Variants in CPSF3 observed in about 807,000 individuals in gnomAD.
CPSF3 encodes the protein cleavage and polyadenylation specificity factor subunit 3.
A neutral mutation model predicts 84.1 loss-of-function variants in CPSF3; 57 were observed. The observed-to-expected ratio is 0.68, with a 90% confidence interval of 0.55 to 0.85. The LOEUF (loss-of-function observed/expected upper bound fraction) is 0.85, where lower values mean the gene tolerates loss of function less well. CPSF3 is among the 40% of genes least tolerant of loss of function. CPSF3 has a pLI of 0.00. For synonymous variants in CPSF3, 275 were observed against 278.1 expected (o/e 0.99, Z 0.11); for missense variants, 522 against 838.8 (o/e 0.62, Z 4.66).
chr2:9,462,308 A>G (rs1681755327), intron 15 of CPSF3, among the ~76,000 whole-genome samples: 1 of 152,264 alleles, frequency 6.6e-6, no homozygotes, highest in South Asian at 2.1e-4. Flanking sequence ...GCCCTTTTAT[A>G]AAATGAAGTC....
intron 6 of CPSF3, 58 bp from the exon 7 acceptor site, chr2:9,436,153 C>A: frequency 1.4e-6 from 2 of 1,431,754 alleles, no homozygotes; most frequent in Non-Finnish European, 9.4e-7. Context: ...TGATGTTTAA[C>A]TTTTGAATTC....
Position 9,459,569 on chromosome 2 carries a change from A to C in CPSF3, c.1737A>C (p.Thr579=). Residue 579 remains threonine, a synonymous_variant, in exon 15 of 18, where the codon ACA becomes ACC. Coordinates refer to ENST00000238112, the MANE Select transcript of CPSF3 (RefSeq NM_016207.4). The stretch of plus-strand genomic sequence containing the variant: ...CTTCTAATGATATGTATGCAGATAC[A>C]GTAACAACTGTGATATTGGAAGTTC... The part of the protein sequence containing the change: ...ANPSNDMYAD[T]VTTVILEVQS... 1 of 1,610,708 alleles carries C rather than the reference A, an allele frequency of 6.2e-7. No homozygotes were observed. The highest frequency in any genetic ancestry group is 8.5e-7 in the Non-Finnish European group (1 of 1,178,042).
At chr2:9,458,938 C>A (rs1256241852) in intron 14 of CPSF3, among the ~76,000 whole-genome samples, 1 of 151,992 alleles carries the variant, frequency 6.6e-6, no homozygotes, top group Non-Finnish European at 1.5e-5. Flanking sequence ...CATGGAGAAA[C>A]CCTGTCTCTA....
intron 15 of CPSF3, among the ~76,000 whole-genome samples, chr2:9,459,838 T>TG (rs1297973546): frequency 1.3e-5 from 2 of 151,406 alleles, no homozygotes; most frequent in Non-Finnish European, 2.9e-5. Flanking sequence ...TTAGTAGAGG[T>TG]GGGGTTTCAC....
chr2:9,452,461 T>G (rs1681367109), intron 11 of CPSF3, among the ~76,000 whole-genome samples: 1 of 152,228 alleles, frequency 6.6e-6, no homozygotes, highest in East Asian at 1.9e-4. Flanking sequence ...TATTGACCTT[T>G]TTATTCAAAG....
intron 9 of CPSF3, among the ~76,000 whole-genome samples, chr2:9,442,184 T>TA (rs1480340768): frequency 6.6e-6 from 1 of 152,226 alleles, no homozygotes; most frequent in African/African-American, 2.4e-5. Flanking sequence ...AGGTGATTGA[T>TA]ATACACATTA....
At chr2:9,468,087 T>A in intron 16 of CPSF3, 3 of 267,540 alleles carry the variant, frequency 1.1e-5, no homozygotes, top group Non-Finnish European at 1.4e-5. Context: ...AAATCTTAGC[T>A]GAATGTTACT....
chr2:9,440,650 A>G lies in CPSF3; in HGVS notation c.920A>G (p.His307Arg). 1 of 1,614,176 alleles carries G rather than the reference A, an allele frequency of 6.2e-7. No individual in the cohort carries two copies. The highest frequency in any genetic ancestry group is 8.5e-7 in the Non-Finnish European group (1 of 1,180,024). The change falls in exon 8 of 18, where the codon CAC (histidine) becomes CGC (arginine). Residue 307 changes from histidine (H) to arginine (R), a missense_variant. By Grantham distance (29) the His-to-Arg change is conservative. Coordinates refer to ENST00000238112, the MANE Select transcript of CPSF3 (RefSeq NM_016207.4). ...ATCAATAATCCCTTTGTTTTCAAACACATTAGTAACCTCAAGGTGAGTGCT... is the reference window on the plus strand; with the variant it reads ...ATCAATAATCCCTTTGTTTTCAAACGCATTAGTAACCTCAAGGTGAGTGCT... Reference protein sequence around the residue: ...ININNPFVFKHISNLKSMDHF... With the variant: ...ININNPFVFKRISNLKSMDHF...
At chr2:9,456,126 A>T (rs1188450705) in intron 13 of CPSF3, among the ~76,000 whole-genome samples, 1 of 152,120 alleles carries the variant, frequency 6.6e-6, no homozygotes, top group Non-Finnish European at 1.5e-5. Flanking sequence ...TTCTTTGATC[A>T]GTGAAAATAA....
rs1383000152 is a variant in CPSF3, at chr2:9,455,763, T to G, written c.1603+6T>G. On this transcript the variant is annotated splice_donor_region_variant and intron_variant, in intron 13 of 17. Transcript: ENST00000238112. ...CCAGCTGCAGAAATTGACAGGTGTGTGTGTGTACTGAAATTCATTTCATTG... is the reference window on the plus strand; with the variant it reads ...CCAGCTGCAGAAATTGACAGGTGTGGGTGTGTACTGAAATTCATTTCATTG... The G allele has an allele frequency of 5.7e-6, 9 of 1,584,220 alleles. No homozygotes were observed. The highest frequency in any genetic ancestry group is 2.2e-5 in the East Asian group (1 of 44,718).
chr2:9,470,768 G>A (rs1682136424), intron 16 of CPSF3, among the ~76,000 whole-genome samples: 1 of 152,172 alleles, frequency 6.6e-6, no homozygotes, highest in African/African-American at 2.4e-5. Flanking sequence ...ACATGTAAAA[G>A]GGGATCCTTA....
intron 8 of CPSF3, chr2:9,441,613 G>A (rs1572779468): frequency 7.1e-6 from 4 of 562,982 alleles, no homozygotes; most frequent in South Asian, 6.8e-5. Flanking sequence ...TGAACTTACC[G>A]CTTTTTATTA....
intron 1 of CPSF3, chr2:9,424,067 G>GAA (rs113168259): frequency 9.2e-4 from 1,062 of 1,159,786 alleles, no homozygotes; most frequent in Middle Eastern, 3.5e-3. Flanking sequence ...GTTGGAGTCG[G>GAA]AAAAAAAAAA....
At chr2:9,442,451 C>T (rs1680986126) in intron 9 of CPSF3, among the ~76,000 whole-genome samples, 1 of 152,214 alleles carries the variant, frequency 6.6e-6, no homozygotes, top group African/African-American at 2.4e-5. Context: ...CCAGGCATCA[C>T]ATTCTCATCC....
At chr2:9,429,060 GT>G (rs1178028516) in intron 2 of CPSF3, among the ~76,000 whole-genome samples, 8 of 152,202 alleles carry the variant, frequency 5.3e-5, no homozygotes, top group African/African-American at 1.9e-4. Flanking sequence ...CTGTTGAACT[GT>G]TACCTCTTCA....
chr2:9,441,280 G>A (rs866516271), intron 8 of CPSF3, among the ~76,000 whole-genome samples: 10 of 152,088 alleles, frequency 6.6e-5, no homozygotes, highest in African/African-American at 2.2e-4. Context: ...ATTGATATCC[G>A]AAATAATTTA....
At chr2:9,448,899 A>C (rs191799169) in intron 11 of CPSF3, among the ~76,000 whole-genome samples, 1 of 152,058 alleles carries the variant, frequency 6.6e-6, no homozygotes, top group African/African-American at 2.4e-5. Context: ...TCTTTAATCC[A>C]TATCCCCACT....
At position 9,467,704 on chromosome 2, in the gene CPSF3, C is replaced by T. The variant is rs748975945; in HGVS notation, c.1787-3C>T. The T allele has an allele frequency of 3.8e-6, 6 of 1,591,622 alleles. No homozygotes were observed. Among genetic ancestry groups the T allele is most frequent in the South Asian group, 1.1e-5 (1 of 87,508 alleles). Reference sequence around the variant, plus strand: ...AACTCTCTGTCGCTTTTTTTTTTCCCAGGTGCAGTACAGAAGGTTTCTAAA... The same window carrying T: ...AACTCTCTGTCGCTTTTTTTTTTCCTAGGTGCAGTACAGAAGGTTTCTAAA... On this transcript the variant is annotated splice_region_variant and splice_polypyrimidine_tract_variant and intron_variant, in intron 15 of 17. Transcript: ENST00000238112.
At chr2:9,444,544 A>C (rs1001668370) in intron 10 of CPSF3, among the ~76,000 whole-genome samples, 5 of 152,192 alleles carry the variant, frequency 3.3e-5, no homozygotes, top group Non-Finnish European at 5.9e-5. Flanking sequence ...AAGAACACTA[A>C]TGAAGCATGT....
Sources: gnomAD v4.1 joint callset for allele counts (sites outside exome capture counted in the v4.1 genomes callset) on GRCh38, gnomAD v4.1.1 for gene constraint, MANE v1.5 for transcripts, NCBI Gene and HGNC (gene_info 2026-07-23, HGNC 2026-07-21) for gene names.